Variants in GAREM1 observed in about 807,000 individuals in gnomAD.
The protein encoded by GAREM1 is GRB2-associated and regulator of MAPK protein 1.
GAREM1 carries 26 observed loss-of-function variants against 71.3 expected under a neutral mutation model. The ratio of observed to expected loss-of-function variants is 0.36; its 90% CI spans 0.27 to 0.51. The LOEUF (loss-of-function observed/expected upper bound fraction) is 0.51. GAREM1 is among the 20% of genes least tolerant of loss of function. The pLI is 0.95. For missense variants in GAREM1, 1,026 were observed against 1,103.1 expected (o/e 0.93, Z 0.99); for synonymous variants, 440 against 433.2 (o/e 1.02, Z -0.20).
At chr18:32,441,269 C>A (rs1214919866) in intron 1 of GAREM1, among the ~76,000 whole-genome samples, 5 of 151,838 alleles carry the variant, frequency 3.3e-5, no homozygotes, top group Non-Finnish European at 5.9e-5. Context: ...TTTTAAAATT[C>A]ATTTAAGAAT....
At chr18:32,331,216 G>A (rs2047532254) in intron 2 of GAREM1, among the ~76,000 whole-genome samples, 1 of 152,144 alleles carries the variant, frequency 6.6e-6, no homozygotes, top group Non-Finnish European at 1.5e-5. Flanking sequence ...TGGGTTTGGA[G>A]TTATACCCTT....
intron 1 of GAREM1, among the ~76,000 whole-genome samples, chr18:32,437,258 T>C (rs1343226280): frequency 2.0e-5 from 3 of 152,122 alleles, no homozygotes; most frequent in Non-Finnish European, 4.4e-5. Flanking sequence ...CTACAGTAGC[T>C]CCTGTGCTTG....
chr18:32,285,399 A>G (rs1598929911), intron 4 of GAREM1, among the ~76,000 whole-genome samples: 1 of 152,258 alleles, frequency 6.6e-6, no homozygotes, highest in South Asian at 2.1e-4. Flanking sequence ...ATGCCCTGGC[A>G]CCAGCCTTTC....
intron 1 of GAREM1, among the ~76,000 whole-genome samples, chr18:32,451,917 A>T (rs2048844135): frequency 6.6e-6 from 1 of 152,248 alleles, no homozygotes; most frequent in Non-Finnish European, 1.5e-5. Flanking sequence ...AGCCAGCTGC[A>T]GAATGTTGCT....
At chr18:32,456,892 T>G (rs2048895122) in intron 1 of GAREM1, among the ~76,000 whole-genome samples, 1 of 152,144 alleles carries the variant, frequency 6.6e-6, no homozygotes, top group Admixed American at 6.6e-5. Flanking sequence ...TTTAGAAAGA[T>G]TCCCATAAGT....
At chr18:32,359,955 A>G (rs903203598) in intron 2 of GAREM1, among the ~76,000 whole-genome samples, 5 of 151,720 alleles carry the variant, frequency 3.3e-5, no homozygotes, top group Non-Finnish European at 7.4e-5. Flanking sequence ...TAAATAAATA[A>G]AAAATTGAAT....
rs777567744 is a variant in GAREM1, at chr18:32,470,363, C to G, written c.66G>C (p.Pro22=). ...KDVKWSSVAV[P]LDLLVSTYRL... is the part of the protein sequence containing the mutation. ...GGTAAGTGCTGACCAGGAGGTCGAG[C>G]GGCACGGCCACCGAGCTCCACTTCA... The change falls in exon 1 of 6, where the codon CCG becomes CCC. Residue 22 remains proline, a synonymous_variant. Transcript: ENST00000269209. The surrounding 1 kb of genome is among the most constrained non-coding windows in gnomAD (Gnocchi z 4.4). The G allele has an allele frequency of 6.4e-7, 1 of 1,566,180 alleles. No individual in the cohort carries two copies. The highest frequency in any genetic ancestry group is 2.6e-5 in the East Asian group (1 of 39,182).
At chr18:32,468,796 G>A (rs79809639) in intron 1 of GAREM1, among the ~76,000 whole-genome samples, 16 of 152,014 alleles carry the variant, frequency 1.1e-4, no homozygotes, top group Admixed American at 3.9e-4. Context: ...GGTAGGAAAA[G>A]GTAAGGACTC....
At chr18:32,449,619 T>C (rs772097176) in intron 1 of GAREM1, among the ~76,000 whole-genome samples, 3 of 152,176 alleles carry the variant, frequency 2.0e-5, no homozygotes, top group Non-Finnish European at 2.9e-5. Flanking sequence ...GAGCTGTGAT[T>C]GTGCCACTGC....
chr18:32,326,940 T>C (rs2047480063), intron 2 of GAREM1, among the ~76,000 whole-genome samples: 1 of 152,202 alleles, frequency 6.6e-6, no homozygotes, highest in South Asian at 2.1e-4. Flanking sequence ...GAATGTCTGA[T>C]GGGATAAACA....
intron 3 of GAREM1, among the ~76,000 whole-genome samples, chr18:32,294,580 A>G (rs2047121618): frequency 6.6e-6 from 1 of 152,222 alleles, no homozygotes; most frequent in Non-Finnish European, 1.5e-5. Context: ...ATTTCCAAAG[A>G]GGCACATAAT....
chr18:32,404,510 G>C (rs577810831), intron 1 of GAREM1, among the ~76,000 whole-genome samples: 2 of 151,374 alleles, frequency 1.3e-5, no homozygotes, highest in African/African-American at 2.4e-5. Context: ...TGTGATTTTA[G>C]TTAATTCTAT....
At chr18:32,386,783 A>G (rs2048151221) in intron 2 of GAREM1, among the ~76,000 whole-genome samples, 1 of 152,118 alleles carries the variant, frequency 6.6e-6, no homozygotes, top group African/African-American at 2.4e-5. Context: ...CTCTTGCTAG[A>G]GTTTTCTTTG....
intron 2 of GAREM1, among the ~76,000 whole-genome samples, chr18:32,328,874 T>G (rs1198794699): frequency 6.6e-6 from 1 of 152,124 alleles, no homozygotes; most frequent in African/African-American, 2.4e-5. Context: ...GGTGACAGAA[T>G]AGAAGATATT....
intron 2 of GAREM1, among the ~76,000 whole-genome samples, chr18:32,313,451 A>G (rs747837863): frequency 2.0e-5 from 3 of 152,208 alleles, no homozygotes; most frequent in Non-Finnish European, 4.4e-5. Flanking sequence ...AGGAGGGACC[A>G]TGTCTGCTAA....
chr18:32,270,665 C>CATAAATATA (rs1567942114), intron 4 of GAREM1, among the ~76,000 whole-genome samples: 1 of 152,062 alleles, frequency 6.6e-6, no homozygotes, highest in African/African-American at 2.4e-5. Flanking sequence ...ATATGAAATA[C>CATAAATATA]GGCAAGTTAA....
At chr18:32,468,960 T>G (rs1222825930) in intron 1 of GAREM1, among the ~76,000 whole-genome samples, 7 of 82,160 alleles carry the variant, frequency 8.5e-5, no homozygotes, top group Admixed American at 2.6e-4. Flanking sequence ...CACCTGTGCG[T>G]CCCCCCCCCC....
intron 1 of GAREM1, among the ~76,000 whole-genome samples, chr18:32,420,936 A>T (rs370423298): frequency 1.3e-5 from 2 of 152,098 alleles, no homozygotes; most frequent in African/African-American, 4.8e-5. Flanking sequence ...TTCCTTCCTC[A>T]GTATCTGCGC....
At chr18:32,389,337 A>G (rs370841086) in intron 2 of GAREM1, among the ~76,000 whole-genome samples, 81 of 152,300 alleles carry the variant, frequency 5.3e-4, no homozygotes, top group African/African-American at 1.9e-3. Flanking sequence ...CACAGTCATC[A>G]CCATTAACAT....
Sources: allele counts gnomAD v4.1 joint callset (sites outside exome capture counted in the v4.1 genomes callset), GRCh38; gene constraint gnomAD v4.1.1; non-coding constraint Gnocchi (gnomAD v3.1); transcripts MANE v1.5; gene names NCBI Gene and HGNC (gene_info 2026-07-23, HGNC 2026-07-21).